Variants in PGD observed in about 807,000 individuals in gnomAD.
PGD encodes the protein phosphogluconate dehydrogenase.
PGD carries 21 observed loss-of-function variants against 60.4 expected under a neutral mutation model. The observed-to-expected ratio is 0.35, with a 90% confidence interval of 0.25 to 0.50. PGD has a LOEUF of 0.50. PGD is among the 20% of genes least tolerant of loss of function. PGD has a pLI of 0.98. For missense variants in PGD, 477 were observed against 613.1 expected (o/e 0.78, Z 2.34); for synonymous variants, 230 against 235.9 (o/e 0.97, Z 0.23).
intron 8 of PGD, among the ~76,000 whole-genome samples, chr1:10,414,830 C>CCT (rs1185952140): frequency 6.6e-6 from 1 of 151,848 alleles, no homozygotes; most frequent in Non-Finnish European, 1.5e-5. Flanking sequence ...CGGTGGCTCA[C>CCT]GCCTGTAATC....
At chr1:10,401,976 C>T (rs1045502557) in intron 3 of PGD, among the ~76,000 whole-genome samples, 1 of 152,138 alleles carries the variant, frequency 6.6e-6, no homozygotes, top group Non-Finnish European at 1.5e-5. Flanking sequence ...GATCACACCA[C>T]TGCATTGCAG....
chr1:10,410,947 C>T (rs1639488931), intron 6 of PGD, among the ~76,000 whole-genome samples: 1 of 151,810 alleles, frequency 6.6e-6, no homozygotes, highest in African/African-American at 2.4e-5. Context: ...TTTTACTTTT[C>T]AGTAGCCATT....
chr1:10,406,698 G>C (rs1327744505), intron 5 of PGD, among the ~76,000 whole-genome samples: 3 of 152,184 alleles, frequency 2.0e-5, no homozygotes, highest in Non-Finnish European at 4.4e-5. Flanking sequence ...AGGAAGCCTT[G>C]ACTGGCCATT....
intron 1 of PGD, 169 bp from the exon 2 acceptor site, chr1:10,399,460 G>T: frequency 1.9e-6 from 1 of 515,758 alleles, no homozygotes; most frequent in South Asian, 4.1e-5. Context: ...GGGGCCGCCT[G>T]CCCGGCCGAG....
chr1:10,399,143 G>T lies in PGD; in HGVS notation c.8+18G>T. 6.2e-7 allele frequency: 1 copy of T among 1,608,276 alleles called. No individual in the cohort carries two copies. On this transcript the variant is annotated intron_variant, in intron 1 of 12. Transcript: ENST00000270776. ...ATGGCCCAGTGAGTGACTCGCCAGG[G>T]GCAGCCCGGCTCGGCCTCAGCGGGC...
chr1:10,401,776 G>A (rs556808288), intron 3 of PGD, among the ~76,000 whole-genome samples: 60 of 152,262 alleles, frequency 3.9e-4, no homozygotes, highest in Non-Finnish European at 5.9e-4. Flanking sequence ...AGCACTTTGG[G>A]AGGCAGAGGT....
At chr1:10,417,747 T>C (rs1639621328) in intron 10 of PGD, among the ~76,000 whole-genome samples, 2 of 152,164 alleles carry the variant, frequency 1.3e-5, no homozygotes, top group African/African-American at 4.8e-5. Context: ...TTCGCTCTTA[T>C]TGCCCAAACT....
chr1:10,403,219 G>A, intron 4 of PGD, 83 bp downstream of exon 4: 1 of 914,892 alleles, frequency 1.1e-6, no homozygotes, highest in South Asian at 1.3e-5. Context: ...TGACAGTAGG[G>A]TGAACTGCCC....
intron 5 of PGD, 37 bp from the exon 6 acceptor site, chr1:10,408,034 C>G (rs747789016): frequency 7.1e-6 from 9 of 1,275,344 alleles, no homozygotes; most frequent in Non-Finnish European, 1.0e-5. Flanking sequence ...CAGCCCGTCT[C>G]TTCTCATTAA....
rs764975157 is a variant in PGD at position 10,417,499 on chromosome 1, A to G, written c.1099A>G (p.Ile367Val). ...CGCCCTGATGTGGAGAGGGGGCTGC[A>G]TCATTAGAAGGTAAGTGAGAGGCAG... ...GIALMWRGGC[I>V]IRSVFLGKIK... The change falls in exon 10 of 13, where the codon ATC (isoleucine) becomes GTC (valine). Residue 367 changes from isoleucine to valine, a missense_variant. Physicochemically the swap from Ile to Val is conservative, Grantham distance 29. This residue lies in a region of PGD where 431 missense variants were observed against 556.6 expected (regional missense o/e 0.77). Transcript: ENST00000270776. The G allele has an allele frequency of 3.1e-6, 5 of 1,611,204 alleles. No homozygotes were observed. The South Asian group carries it at 5.5e-5, about 18-fold the overall frequency.
At chr1:10,409,160 G>T (rs952562254) in intron 6 of PGD, among the ~76,000 whole-genome samples, 2 of 152,170 alleles carry the variant, frequency 1.3e-5, no homozygotes, top group African/African-American at 4.8e-5. Context: ...CAATTTTAAT[G>T]TGAATTTTAT....
At position 10,413,132 on chromosome 1, in the gene PGD, T is replaced by A. The variant is rs1639526447; in HGVS notation, c.725T>A (p.Phe242Tyr). The A allele has an allele frequency of 3.1e-6, 5 of 1,614,090 alleles. No individual in the cohort carries two copies. Among genetic ancestry groups the A allele is most frequent in the Non-Finnish European group, 3.4e-6 (4 of 1,180,006 alleles). Residue 242 changes from phenylalanine to tyrosine, a missense_variant, in exon 8 of 13, where the codon TTC (phenylalanine) becomes TAC (tyrosine). Physicochemically the swap from Phe to Tyr is conservative, Grantham distance 22. Transcript: ENST00000270776. ...LIEITANILKFQDTDGKHLLP... is the reference protein window; with the variant it reads ...LIEITANILKYQDTDGKHLLP... ...GAAATCACAGCCAATATTCTCAAGT[T>A]CCAAGACACCGATGGCAAACACCTG...
intron 5 of PGD, among the ~76,000 whole-genome samples, chr1:10,405,472 G>T (rs1639386762): frequency 6.7e-6 from 1 of 150,342 alleles, no homozygotes; most frequent in Non-Finnish European, 1.5e-5. Context: ...ATAAATAATT[G>T]TGGGCAATCC....
intron 11 of PGD, 44 bp from the exon 12 acceptor site, chr1:10,419,373 C>G (rs575743938): frequency 1.3e-6 from 2 of 1,593,858 alleles, no homozygotes; most frequent in Admixed American, 3.5e-5. Context: ...ATCCGCGTCA[C>G]CAGGGGCAGA....
chr1:10,410,783 A>G (rs1157201090), intron 6 of PGD, among the ~76,000 whole-genome samples: 1 of 152,118 alleles, frequency 6.6e-6, no homozygotes, highest in Non-Finnish European at 1.5e-5. Context: ...TCCTACATTC[A>G]TTAACGGGTA....
chr1:10,417,616 C>A, intron 10 of PGD, 107 bp downstream of exon 10: 1 of 1,097,614 alleles, frequency 9.1e-7, no homozygotes, highest in Non-Finnish European at 1.3e-6. Flanking sequence ...GGGCACTTAG[C>A]CCCATCACTG....
intron 7 of PGD, among the ~76,000 whole-genome samples, chr1:10,411,938 C>T (rs776091562): frequency 6.6e-6 from 1 of 152,198 alleles, no homozygotes; most frequent in Non-Finnish European, 1.5e-5. Context: ...AGTAGGGAAG[C>T]TGAAGCATTT....
chr1:10,419,469 CCT>C lies in PGD; in HGVS notation c.1263_1264del (p.Cys422PhefsTer9). 1 of 1,614,124 alleles carries C rather than the reference CCT, an allele frequency of 6.2e-7. No individual in the cohort carries two copies. Among genetic ancestry groups the C allele is most frequent in the South Asian group, 1.1e-5 (1 of 91,082 alleles). On this transcript the variant is annotated frameshift_variant, in exon 12 of 13. Coordinates refer to ENST00000270776, the MANE Select transcript of PGD (RefSeq NM_002631.4). LOFTEE classifies it high-confidence loss of function. ...GGGGTCCAGGCTGGCATTCCCATGC[CCT>C]GTTTTACCACTGCCCTCTCCTTCTA...
intron 8 of PGD, among the ~76,000 whole-genome samples, chr1:10,416,569 C>T (rs1358275298): frequency 6.6e-6 from 1 of 152,082 alleles, no homozygotes; most frequent in African/African-American, 2.4e-5. Flanking sequence ...TTTGTGTGAG[C>T]AATAAAGCTT....
Sources: gnomAD v4.1 joint callset for allele counts (sites outside exome capture counted in the v4.1 genomes callset) on GRCh38, gnomAD v4.1.1 for gene constraint, gnomAD v4.1.1 regional missense constraint, MANE v1.5 for transcripts, NCBI Gene and HGNC (gene_info 2026-07-23, HGNC 2026-07-21) for gene names.